NTNG1: variants seen among roughly 807,000 people sequenced by gnomAD.
NTNG1 encodes netrin G1.
A neutral mutation model predicts 54.0 loss-of-function variants in NTNG1; 16 were observed. The ratio of observed to expected loss-of-function variants is 0.30; its 90% CI spans 0.20 to 0.45. NTNG1 has a LOEUF of 0.45. NTNG1 is among the 20% of genes least tolerant of loss of function. The pLI is 1.00. For missense variants in NTNG1, 530 were observed against 678.7 expected (o/e 0.78, Z 2.43); for synonymous variants, 255 against 263.1 (o/e 0.97, Z 0.30).
intron 5 of NTNG1, chr1:107,421,094 A>G (rs900001604): frequency 3.1e-6 from 5 of 1,609,176 alleles, no homozygotes; most frequent in African/African-American, 2.7e-5. Flanking sequence ...TTGCTCCCAA[A>G]TTAGCTTTGT....
chr1:107,145,666 T>C (rs1368102924), intron 1 of NTNG1, among the ~76,000 whole-genome samples: 2 of 152,078 alleles, frequency 1.3e-5, no homozygotes, highest in African/African-American at 4.8e-5. Context: ...TGGAAAACTA[T>C]TAATCACAAC....
intron 2 of NTNG1, among the ~76,000 whole-genome samples, chr1:107,161,173 G>T (rs1655370609): frequency 6.6e-6 from 1 of 152,140 alleles, no homozygotes; most frequent in Admixed American, 6.6e-5. Context: ...ATGAATGAAT[G>T]AACCGTTAAA....
Position 107,455,789 on chromosome 1 carries a change from C to T in NTNG1, c.1390+18990C>T, listed in dbSNP as rs554153391. ...CATGGTCAGGCTGCCTCTGTTGCCC[C>T]GGAGACAGGAATGGTAAGAATTCTC... On this transcript the variant is annotated intron_variant, in intron 7 of 7. Coordinates refer to ENST00000370068, the MANE Select transcript of NTNG1 (RefSeq NM_001113226.3). Among the ~76,000 whole-genome samples, 5 of 152,236 alleles carry T rather than the reference C, an allele frequency of 3.3e-5. No individual in the cohort carries two copies. In the East Asian group the frequency reaches 5.8e-4, roughly 18 times the overall value.
chr1:107,377,598 T>C (rs932689368), intron 3 of NTNG1, among the ~76,000 whole-genome samples: 1 of 152,204 alleles, frequency 6.6e-6, no homozygotes, highest in Non-Finnish European at 1.5e-5. Context: ...CTGGTTCCTC[T>C]TCACAGCATT....
chr1:107,335,887 GC>G (rs1668545648), intron 3 of NTNG1, among the ~76,000 whole-genome samples: 1 of 151,686 alleles, frequency 6.6e-6, no homozygotes, highest in South Asian at 2.1e-4. Context: ...AGATCCAAAA[GC>G]CTTGTACACT....
At chr1:107,230,259 G>A (rs935150501) in intron 2 of NTNG1, among the ~76,000 whole-genome samples, 3 of 152,208 alleles carry the variant, frequency 2.0e-5, no homozygotes, top group South Asian at 2.1e-4. Context: ...GACATCCCTC[G>A]GTGTAAGAGT....
Position 107,148,291 on chromosome 1 carries a change from C to A in NTNG1, c.-303C>A. 4.0e-6 allele frequency: 1 copy of A among 247,144 alleles called. No homozygotes were observed. 15.3% of individuals were successfully genotyped at this position (247,144 alleles called of 1,614,324 possible). A position where few individuals can be genotyped will look rare whatever the true frequency, so the allele number is the denominator to read the frequency against. On this transcript the variant is annotated 5_prime_UTR_variant, in exon 2 of 8. Coordinates refer to ENST00000370068, the MANE Select transcript of NTNG1 (RefSeq NM_001113226.3). The stretch of plus-strand genomic sequence containing the variant: ...CATCTTTTACAAAAACCAAACTAGA[C>A]CTGAGTCTAATAGATATGTTCTAAG...
chr1:107,284,605 T>A (rs1218101956), intron 2 of NTNG1, among the ~76,000 whole-genome samples: 40 of 152,122 alleles, frequency 2.6e-4, no homozygotes, highest in Admixed American at 2.6e-3. Flanking sequence ...AATGTTTACA[T>A]AATGCCAAGC....
intron 3 of NTNG1, among the ~76,000 whole-genome samples, chr1:107,326,875 GA>G (rs1667986972): frequency 6.6e-6 from 1 of 152,060 alleles, no homozygotes; most frequent in African/African-American, 2.4e-5. Flanking sequence ...AAATAAACTT[GA>G]AAGCTAAAGG....
At chr1:107,254,268 G>A (rs998664472) in intron 2 of NTNG1, among the ~76,000 whole-genome samples, 1 of 152,146 alleles carries the variant, frequency 6.6e-6, no homozygotes, top group African/African-American at 2.4e-5. Context: ...GAGTTAATAC[G>A]AACTATACAA....
intron 3 of NTNG1, among the ~76,000 whole-genome samples, chr1:107,333,269 C>A (rs930427554): frequency 3.9e-5 from 6 of 151,994 alleles, no homozygotes; most frequent in African/African-American, 1.4e-4. Flanking sequence ...GCTAATAATT[C>A]TTTGTCAGCT....
Position 107,463,710 on chromosome 1 carries a change from A to T in NTNG1, c.1391-16901A>T, listed in dbSNP as rs1054338944. ...CCAAAATGTACTTGTGGCTTGCAAGATTTTTTTTCAGTTTACTCACCAGTC... is the reference window on the plus strand; with the variant it reads ...CCAAAATGTACTTGTGGCTTGCAAGTTTTTTTTTCAGTTTACTCACCAGTC... On this transcript the variant is annotated intron_variant, in intron 7 of 7. Coordinates refer to ENST00000370068, the MANE Select transcript of NTNG1 (RefSeq NM_001113226.3). Among the ~76,000 whole-genome samples the T allele has an allele frequency of 2.0e-5, 3 of 152,058 alleles. No individual in the cohort carries two copies. In the South Asian group the frequency reaches 6.2e-4, roughly 32 times the overall value.
intron 2 of NTNG1, among the ~76,000 whole-genome samples, chr1:107,313,584 G>A (rs1486512639): frequency 6.6e-6 from 1 of 152,068 alleles, no homozygotes; most frequent in African/African-American, 2.4e-5. Flanking sequence ...GAGGGAAGAG[G>A]CCAAAGGGTG....
intron 2 of NTNG1, among the ~76,000 whole-genome samples, chr1:107,253,427 C>T (rs964155326): frequency 4.6e-5 from 7 of 152,290 alleles, no homozygotes; most frequent in African/African-American, 1.7e-4. Flanking sequence ...ATATCTTTAT[C>T]CTTTTATTCT....
intron 6 of NTNG1, among the ~76,000 whole-genome samples, chr1:107,431,295 C>A (rs116621657): frequency 1.3e-5 from 2 of 152,008 alleles, no homozygotes; most frequent in South Asian, 2.1e-4. Flanking sequence ...TCATTATATG[C>A]GATTTAATTA....
chr1:107,464,654 C>A (rs1219564220), intron 7 of NTNG1, among the ~76,000 whole-genome samples: 1 of 152,098 alleles, frequency 6.6e-6, no homozygotes, highest in Non-Finnish European at 1.5e-5. Context: ...AGCAGCACAT[C>A]CAGTGACAAG....
rs184692777 is a variant in NTNG1 at position 107,169,920 on chromosome 1, T to G, written c.246+21081T>G. ...GTAAGAAAGGGGAGTCTGGAACTCT[T>G]GTGCACAGACTAAAGCTGCTGTCCA... On this transcript the variant is annotated intron_variant, in intron 2 of 7. Transcript: ENST00000370068. 1.1e-4 allele frequency among the ~76,000 whole-genome samples: 16 copies of G among 152,324 alleles called. No homozygotes were observed. In the East Asian group the frequency reaches 2.9e-3, roughly 28 times the overall value.
At chr1:107,441,601 C>T (rs913135763) in intron 7 of NTNG1, among the ~76,000 whole-genome samples, 7 of 152,118 alleles carry the variant, frequency 4.6e-5, no homozygotes, top group African/African-American at 1.7e-4. Context: ...AGATTGGGCC[C>T]ACACATGTAA....
At chr1:107,241,569 TA>T (rs1164383738) in intron 2 of NTNG1, among the ~76,000 whole-genome samples, 1 of 152,190 alleles carries the variant, frequency 6.6e-6, no homozygotes, top group African/African-American at 2.4e-5. Context: ...CGTCCTGCAC[TA>T]AATCATGCAT....
Sources: gnomAD v4.1 joint callset for allele counts (sites outside exome capture counted in the v4.1 genomes callset) on GRCh38, gnomAD v4.1.1 for gene constraint, MANE v1.5 for transcripts, NCBI Gene and HGNC (gene_info 2026-07-23, HGNC 2026-07-21) for gene names.